The following CDYL variants were observed in gnomAD, a reference collection of about 807,000 sequenced individuals.
The protein encoded by CDYL is chromodomain Y like.
Under a neutral mutation model 47.3 loss-of-function variants are expected in CDYL, and 8 were observed. The observed-to-expected ratio is 0.17, with a 90% CI of 0.10 to 0.31. The LOEUF (loss-of-function observed/expected upper bound fraction) is 0.31, where lower values mean the gene tolerates loss of function less well. Ranked by LOEUF, CDYL falls within the 10% of genes least tolerant of loss-of-function variation. The pLI, the probability that CDYL is intolerant of heterozygous loss-of-function variation, is 1.00. For missense variants in CDYL, 471 were observed against 701.4 expected (o/e 0.67, Z 3.71); for synonymous variants, 266 against 265.0 (o/e 1.00, Z -0.04).
At chr6:4,795,708 C>T (rs76858971) in intron 1 of CDYL, among the ~76,000 whole-genome samples, 14,497 of 143,422 alleles carry the variant, frequency 0.1, 2,305 homozygotes, top group African/African-American at 0.34. Context: ...TTTCTTTTCT[C>T]TTTTTTTTTT....
At chr6:4,773,269 CAT>C (rs1171450164), upstream of CDYL, 6 of 454,278 alleles carry the variant, frequency 1.3e-5, no homozygotes, top group African/African-American at 4.0e-5. The surrounding 1 kb of genome is among the most constrained non-coding windows in gnomAD (Gnocchi z 4.6). Flanking sequence ...TTTTAAGAGT[CAT>C]ATGTCTTACT....
Position 4,743,610 on chromosome 6 carries a change from CTAAT to C in CDYL, c.186+8768_186+8771del, listed in dbSNP as rs1561833470. On this transcript the variant is annotated intron_variant, in intron 3 of 8. Coordinates refer to the CDYL transcript ENST00000328908. Reference sequence around the variant, plus strand: ...TTTTGCTACAGCATAACAAGGGTCACTAATTTTCCAACTGATGATATCTGCTCAC... The same window carrying C: ...TTTTGCTACAGCATAACAAGGGTCACTTTCCAACTGATGATATCTGCTCAC... Among the ~76,000 whole-genome samples, 6 of 152,290 alleles carry C rather than the reference CTAAT, an allele frequency of 3.9e-5. No individual in the cohort carries two copies. In the East Asian group the frequency reaches 1.2e-3, roughly 29 times the overall value.
chr6:4,735,702 G>T (rs1020344382), intron 3 of CDYL, among the ~76,000 whole-genome samples: 5 of 152,058 alleles, frequency 3.3e-5, no homozygotes, highest in Admixed American at 2.6e-4. Flanking sequence ...GGAGGTGGAG[G>T]TTGCGGCGAG....
intron 1 of CDYL, among the ~76,000 whole-genome samples, chr6:4,855,776 C>T (rs1313608893): frequency 6.6e-6 from 1 of 152,166 alleles, no homozygotes; most frequent in African/African-American, 2.4e-5. Flanking sequence ...TCTGTTCTGG[C>T]TCGTTTTATG....
intron 2 of CDYL, among the ~76,000 whole-genome samples, chr6:4,902,274 C>T (rs557478325): frequency 8.1e-4 from 123 of 151,730 alleles, no homozygotes; most frequent in Non-Finnish European, 1.5e-3. Context: ...GGCGTGGTGG[C>T]GCATGCCTGT....
At chr6:4,736,349 A>T (rs4960042) in intron 3 of CDYL, among the ~76,000 whole-genome samples, 7 of 152,172 alleles carry the variant, frequency 4.6e-5, no homozygotes, top group African/African-American at 1.7e-4. Flanking sequence ...GTACTACTAT[A>T]GTTTGTTGCG....
intron 1 of CDYL, among the ~76,000 whole-genome samples, chr6:4,859,694 C>T (rs1761108322): frequency 6.6e-6 from 1 of 152,072 alleles, no homozygotes; most frequent in Admixed American, 6.6e-5. Context: ...TGAGATACCC[C>T]GTTTACAGAA....
At chr6:4,913,185 C>T (rs568753954) in intron 2 of CDYL, among the ~76,000 whole-genome samples, 19 of 152,316 alleles carry the variant, frequency 1.2e-4, no homozygotes, top group African/African-American at 4.6e-4. Context: ...AATTTTCTTC[C>T]CAGTGCTCGA....
At chr6:4,855,423 C>T (rs1020844163) in intron 1 of CDYL, among the ~76,000 whole-genome samples, 9 of 152,078 alleles carry the variant, frequency 5.9e-5, no homozygotes, top group Non-Finnish European at 1.0e-4. Flanking sequence ...CTGGAGTAGC[C>T]GGGATTACAG....
chr6:4,814,872 T>C (rs945245412), intron 1 of CDYL, among the ~76,000 whole-genome samples: 4 of 152,198 alleles, frequency 2.6e-5, no homozygotes, highest in South Asian at 2.1e-4. Context: ...GTGGGATTCA[T>C]GTCAGCTTGT....
chr6:4,878,269 G>A (rs1014905011), intron 1 of CDYL, among the ~76,000 whole-genome samples: 1 of 151,958 alleles, frequency 6.6e-6, no homozygotes, highest in Non-Finnish European at 1.5e-5. Context: ...GTAGGAAATA[G>A]TCTCTCATTT....
intron 2 of CDYL, among the ~76,000 whole-genome samples, chr6:4,932,877 T>G (rs1456083508): frequency 6.6e-6 from 1 of 152,216 alleles, no homozygotes; most frequent in Non-Finnish European, 1.5e-5. Flanking sequence ...CGTGTGTTTT[T>G]ATTGATCGAT....
intron 2 of CDYL, among the ~76,000 whole-genome samples, chr6:4,725,831 G>T (rs532067510): frequency 6.8e-4 from 104 of 152,372 alleles, no homozygotes; most frequent in African/African-American, 2.2e-3. Flanking sequence ...GAGCGAGCGA[G>T]GGCTGTGAAC....
chr6:4,932,410 A>C (rs1758058328), intron 2 of CDYL, among the ~76,000 whole-genome samples: 1 of 151,274 alleles, frequency 6.6e-6, no homozygotes. Flanking sequence ...TGAGGGCCCC[A>C]CCCCCATGAC....
chr6:4,802,827 C>T (rs1759263395), intron 1 of CDYL, among the ~76,000 whole-genome samples: 1 of 51,768 alleles, frequency 1.9e-5, no homozygotes, highest in Non-Finnish European at 3.5e-5. Context: ...TGCACTTGTG[C>T]AGGGAGGGTG....
At chr6:4,863,066 T>C (rs991615375) in intron 1 of CDYL, among the ~76,000 whole-genome samples, 2 of 152,224 alleles carry the variant, frequency 1.3e-5, no homozygotes, top group Non-Finnish European at 2.9e-5. Context: ...ACAATGCAGC[T>C]GAAGGCCATT....
At chr6:4,731,291 A>G (rs1757600629) in intron 2 of CDYL, among the ~76,000 whole-genome samples, 1 of 152,152 alleles carries the variant, frequency 6.6e-6, no homozygotes, top group Non-Finnish European at 1.5e-5. Flanking sequence ...CTCCCAACCT[A>G]TTTTCATCTT....
At chr6:4,940,675 G>C (rs1421414936) in intron 4 of CDYL, among the ~76,000 whole-genome samples, 2 of 152,214 alleles carry the variant, frequency 1.3e-5, no homozygotes, top group Non-Finnish European at 2.9e-5. Flanking sequence ...TTTGAAGTCT[G>C]CCAGAACCAG....
chr6:4,911,105 C>T (rs1049772982), intron 2 of CDYL, among the ~76,000 whole-genome samples: 3 of 152,154 alleles, frequency 2.0e-5, no homozygotes, highest in Non-Finnish European at 4.4e-5. Context: ...GGATTACAGG[C>T]GTGAGCCACT....
Sources: allele counts gnomAD v4.1 joint callset (sites outside exome capture counted in the v4.1 genomes callset), GRCh38; gene constraint gnomAD v4.1.1; non-coding constraint Gnocchi (gnomAD v3.1); transcripts MANE v1.5; gene names NCBI Gene and HGNC (gene_info 2026-07-23, HGNC 2026-07-21).